The following CHRNA7 variants were observed in gnomAD, a reference collection of about 807,000 sequenced individuals.
CHRNA7 encodes cholinergic receptor nicotinic alpha 7 subunit.
In CHRNA7, 17 loss-of-function variants were observed where a neutral mutation model predicts 48.0. The ratio of observed to expected loss-of-function variants is 0.35; its 90% CI spans 0.24 to 0.53. The LOEUF (loss-of-function observed/expected upper bound fraction) is 0.53. CHRNA7 is among the 20% of genes least tolerant of loss of function. The probability of loss-of-function intolerance (pLI) is 0.92; values close to 1 mark genes in which losing one functional copy is unlikely to be tolerated. For synonymous variants in CHRNA7, 75 were observed against 242.3 expected (o/e 0.31, Z 6.41); for missense variants, 155 against 577.7 (o/e 0.27, Z 7.50).
Position 32,116,669 on chromosome 15 carries a change from C to T in CHRNA7, c.350+4770C>T, listed in dbSNP as rs567716351. On this transcript the variant is annotated intron_variant, in intron 4 of 9. Transcript: ENST00000306901. ...GCTTGCAGAAGGACAGTCTGAATCC[C>T]GCAACTCTGCGGATGCCCCTACACC... 4.6e-5 allele frequency among the ~76,000 whole-genome samples: 7 copies of T among 152,340 alleles called. No homozygotes were observed. In the East Asian group the frequency reaches 9.6e-4, roughly 21 times the overall value.
At chr15:32,114,406 C>T (rs967548979) in intron 4 of CHRNA7, among the ~76,000 whole-genome samples, 8 of 152,146 alleles carry the variant, frequency 5.3e-5, no homozygotes, top group Admixed American at 3.3e-4. Flanking sequence ...CCCACCTCCA[C>T]ATGCCTGACC....
intron 2 of CHRNA7, among the ~76,000 whole-genome samples, chr15:32,085,065 G>A (rs1348035238): frequency 6.6e-6 from 1 of 152,100 alleles, no homozygotes; most frequent in Non-Finnish European, 1.5e-5. Context: ...CTGACCTCAG[G>A]TGATCCACCT....
At chr15:32,118,433 C>T (rs1367363561) in intron 4 of CHRNA7, among the ~76,000 whole-genome samples, 1 of 152,188 alleles carries the variant, frequency 6.6e-6, no homozygotes, top group African/African-American at 2.4e-5. Flanking sequence ...TGTGCTGTTA[C>T]AGCTTCTGTA....
At chr15:32,090,571 T>C (rs1347367994) in intron 2 of CHRNA7, among the ~76,000 whole-genome samples, 1 of 152,210 alleles carries the variant, frequency 6.6e-6, no homozygotes, top group East Asian at 1.9e-4. Context: ...CTGAATTTCA[T>C]GTCTCTCCAT....
chr15:32,036,412 C>T (rs986472679), intron 2 of CHRNA7, among the ~76,000 whole-genome samples: 10 of 152,274 alleles, frequency 6.6e-5, no homozygotes, highest in East Asian at 1.9e-4. Flanking sequence ...CAGATTTTTA[C>T]GTGAACATAA....
rs2051567564 is a variant in CHRNA7, at chr15:32,149,329, G to A, written c.351-4578G>A. ...CAGCACAGGGCTGCCCAGCACTGGT[G>A]AGGGGGTCACTGTTGGCTGGCATCT... On this transcript the variant is annotated intron_variant, in intron 4 of 9. Coordinates refer to ENST00000306901, the MANE Select transcript of CHRNA7 (RefSeq NM_000746.6). The surrounding 1 kb of genome is among the most constrained non-coding windows in gnomAD (Gnocchi z 4.6). Among the ~76,000 whole-genome samples, 1 of 152,196 alleles carries A rather than the reference G, an allele frequency of 6.6e-6. No individual in the cohort carries two copies. The highest frequency in any genetic ancestry group is 1.5e-5 in the Non-Finnish European group (1 of 68,034).
intron 2 of CHRNA7, among the ~76,000 whole-genome samples, chr15:32,036,846 A>G (rs1407377651): frequency 6.8e-6 from 1 of 147,542 alleles, no homozygotes; most frequent in Non-Finnish European, 1.5e-5. Context: ...TTTATCAGGT[A>G]TGTCTTTTGC....
chr15:32,125,677 C>G (rs2051053904), intron 4 of CHRNA7, among the ~76,000 whole-genome samples: 2 of 152,280 alleles, frequency 1.3e-5, no homozygotes, highest in South Asian at 4.1e-4. Context: ...TTCGATGTTC[C>G]AATATCTGCT....
Position 32,163,270 on chromosome 15 carries a change from G to A in CHRNA7, c.925G>A (p.Val309Met). The A allele has an allele frequency of 3.8e-6, 3 of 783,650 alleles. 1 individual carries two copies. The highest frequency in any genetic ancestry group is 5.4e-6 in the Non-Finnish European group (3 of 556,434). 48.5% of individuals were successfully genotyped at this position (783,650 alleles called of 1,614,324 possible). ...CATGATCATCGTGGGCCTCTCGGTG[G>A]TGGTGACAGTGATCGTGCTGCAGTA... ...STMIIVGLSV[V>M]VTVIVLQYHH... Residue 309 changes from valine to methionine, a missense_variant, in exon 9 of 10, where the codon GTG becomes ATG. Coordinates refer to ENST00000306901, the MANE Select transcript of CHRNA7 (RefSeq NM_000746.6).
intron 2 of CHRNA7, among the ~76,000 whole-genome samples, chr15:32,095,728 G>T (rs999380604): frequency 1.3e-5 from 2 of 152,142 alleles, no homozygotes; most frequent in Non-Finnish European, 2.9e-5. Flanking sequence ...TGACTCACTG[G>T]TCCTCTGAAA....
At chr15:32,144,295 A>C (rs1217087044) in intron 4 of CHRNA7, among the ~76,000 whole-genome samples, 4 of 152,178 alleles carry the variant, frequency 2.6e-5, no homozygotes, top group Non-Finnish European at 4.4e-5. Context: ...TGTTAGTCTG[A>C]TGGGCTTCCC....
At chr15:32,114,612 A>G (rs1395505022) in intron 4 of CHRNA7, among the ~76,000 whole-genome samples, 2 of 152,226 alleles carry the variant, frequency 1.3e-5, no homozygotes, top group African/African-American at 4.8e-5. Flanking sequence ...AGTAACTACT[A>G]AATATATTTT....
At chr15:32,030,732 G>A in intron 1 of CHRNA7, 83 bp downstream of exon 1, 1 of 1,530,866 alleles carries the variant, frequency 6.5e-7, no homozygotes, top group Admixed American at 2.0e-5. Flanking sequence ...CCGCGCCTGG[G>A]CCAGGTTTGG....
At chr15:32,093,700 A>G (rs2050419946) in intron 2 of CHRNA7, among the ~76,000 whole-genome samples, 2 of 152,202 alleles carry the variant, frequency 1.3e-5, no homozygotes. Context: ...CAGGCTGATC[A>G]GCCAGTTTTC....
intron 2 of CHRNA7, among the ~76,000 whole-genome samples, chr15:32,035,442 T>G (rs914235709): frequency 3.3e-5 from 5 of 152,200 alleles, no homozygotes; most frequent in African/African-American, 1.2e-4. Flanking sequence ...CAAGATTGAC[T>G]ATTTTGGTAT....
At chr15:32,115,835 A>G (rs1467626832) in intron 4 of CHRNA7, among the ~76,000 whole-genome samples, 1 of 152,170 alleles carries the variant, frequency 6.6e-6, no homozygotes, top group East Asian at 1.9e-4. Flanking sequence ...GGAGCGAAGA[A>G]GATGGATCAG....
At chr15:32,059,262 C>CT (rs902737082) in intron 2 of CHRNA7, among the ~76,000 whole-genome samples, 2 of 152,108 alleles carry the variant, frequency 1.3e-5, no homozygotes, top group African/African-American at 4.8e-5. Flanking sequence ...CCTTGGCCTT[C>CT]TGAAGTGCTG....
intron 3 of CHRNA7, among the ~76,000 whole-genome samples, chr15:32,104,549 A>C (rs1462164316): frequency 1.3e-5 from 2 of 152,152 alleles, no homozygotes; most frequent in African/African-American, 4.8e-5. Context: ...CTGAGTCTTC[A>C]TCACCCTTAG....
At chr15:32,150,734 A>G (rs796670892) in intron 4 of CHRNA7, among the ~76,000 whole-genome samples, 8 of 152,316 alleles carry the variant, frequency 5.3e-5, no homozygotes, top group African/African-American at 1.7e-4. Flanking sequence ...AGGCGCCTCC[A>G]TAGGGTCTCA....
Sources: allele counts gnomAD v4.1 joint callset (sites outside exome capture counted in the v4.1 genomes callset), GRCh38; gene constraint gnomAD v4.1.1; non-coding constraint Gnocchi (gnomAD v3.1); transcripts MANE v1.5; gene names NCBI Gene and HGNC (gene_info 2026-07-23, HGNC 2026-07-21).